The following RANBP2 variants were observed in gnomAD, a reference collection of about 807,000 sequenced individuals.
The protein encoded by RANBP2 is E3 SUMO-protein ligase RanBP2.
RANBP2 carries 57 observed loss-of-function variants against 303.6 expected under a neutral mutation model. The ratio of observed to expected loss-of-function variants is 0.19; its 90% CI spans 0.15 to 0.23. The LOEUF is 0.23. Ranked by LOEUF, RANBP2 falls within the 10% of genes least tolerant of loss-of-function variation. The pLI is 1.00. For missense variants in RANBP2, 3,138 were observed against 3,780.8 expected (o/e 0.83, Z 4.46); for synonymous variants, 1,167 against 1,301.5 (o/e 0.90, Z 2.23).
At chr2:109,462,259 G>T in the RANBP2 span, among the ~76,000 whole-genome samples, 3 of 151,262 alleles carry the variant, frequency 2.0e-5, no homozygotes, top group African/African-American at 7.3e-5. Context: ...TTGGAGAATT[G>T]ATCTACCCCT....
chr2:108,867,492 C>G, the RANBP2 span, among the ~76,000 whole-genome samples: 1 of 152,020 alleles, frequency 6.6e-6, no homozygotes, highest in Non-Finnish European at 1.5e-5. Flanking sequence ...TATGGATTAC[C>G]CTGCTCCAAG....
At chr2:109,469,190 G>A in the RANBP2 span, among the ~76,000 whole-genome samples, 4 of 152,308 alleles carry the variant, frequency 2.6e-5, no homozygotes, top group African/African-American at 7.2e-5. Context: ...CTTACACAGC[G>A]TATTTCTTCT....
At chr2:109,548,613 T>C in the RANBP2 span, among the ~76,000 whole-genome samples, 1 of 151,664 alleles carries the variant, frequency 6.6e-6, no homozygotes, top group Non-Finnish European at 1.5e-5. Context: ...CCGTCTCTAC[T>C]AAAATACAAA....
chr2:109,606,177 G>A, the RANBP2 span, among the ~76,000 whole-genome samples: 1 of 152,178 alleles, frequency 6.6e-6, no homozygotes, highest in Non-Finnish European at 1.5e-5. Context: ...AGCACTTTGG[G>A]AGACCAAGGA....
the RANBP2 span, among the ~76,000 whole-genome samples, chr2:109,121,694 C>G: frequency 6.6e-6 from 1 of 152,152 alleles, no homozygotes; most frequent in Non-Finnish European, 1.5e-5. Flanking sequence ...CTGCAGTTTC[C>G]AGAGTAAAAA....
At chr2:109,084,549 A>G in the RANBP2 span, among the ~76,000 whole-genome samples, 10 of 152,192 alleles carry the variant, frequency 6.6e-5, no homozygotes, top group Non-Finnish European at 1.2e-4. Flanking sequence ...TGATGTTGGC[A>G]GTGACATTGC....
the RANBP2 span, among the ~76,000 whole-genome samples, chr2:109,375,378 T>A: frequency 2.0e-5 from 3 of 152,240 alleles, no homozygotes; most frequent in African/African-American, 7.2e-5. Flanking sequence ...GTTCATCAGA[T>A]GCCAGCTGGA....
chr2:108,952,759 C>T, the RANBP2 span, among the ~76,000 whole-genome samples: 1 of 152,112 alleles, frequency 6.6e-6, no homozygotes, highest in African/African-American at 2.4e-5. Context: ...CCTATTTCTT[C>T]GTATGTGTGG....
At chr2:109,457,316 G>T in the RANBP2 span, among the ~76,000 whole-genome samples, 1 of 152,202 alleles carries the variant, frequency 6.6e-6, no homozygotes, top group South Asian at 2.1e-4. Context: ...ATCAAAGGAG[G>T]GGTTAATTTT....
the RANBP2 span, among the ~76,000 whole-genome samples, chr2:109,726,422 C>CA: frequency 6.6e-6 from 1 of 151,540 alleles, no homozygotes; most frequent in Non-Finnish European, 1.5e-5. Flanking sequence ...AAAAACCCCC[C>CA]AAAAAACAAA....
At chr2:109,619,199 A>G in the RANBP2 span, among the ~76,000 whole-genome samples, 2 of 152,204 alleles carry the variant, frequency 1.3e-5, no homozygotes, top group African/African-American at 4.8e-5. Context: ...TGTTAGTAAG[A>G]TTATAAGAGT....
the RANBP2 span, among the ~76,000 whole-genome samples, chr2:108,830,748 C>G: frequency 2.6e-5 from 4 of 151,872 alleles, no homozygotes; most frequent in African/African-American, 9.7e-5. Flanking sequence ...GCAGAGGTTG[C>G]AGTGATCTGA....
chr2:109,632,514 A>G, the RANBP2 span, among the ~76,000 whole-genome samples: 1 of 152,174 alleles, frequency 6.6e-6, no homozygotes, highest in Non-Finnish European at 1.5e-5. Context: ...CATATTATCC[A>G]TTTAAAACTT....
Position 108,731,444 on chromosome 2 carries a change from C to T in RANBP2, c.375C>T (p.Phe125=). 6.2e-7 allele frequency: 1 copy of T among 1,611,442 alleles called. No individual in the cohort carries two copies. Among genetic ancestry groups the T allele is most frequent in the South Asian group, 1.1e-5 (1 of 90,974 alleles). The change falls in exon 4 of 29, where the codon TTC becomes TTT. Residue 125 remains phenylalanine, a synonymous_variant. Transcript: ENST00000283195. ...GGCTTGAAAGAGCAGCCAAACTTTTCCCAGGAAGTCCTGCAATTTATAAAC... is the reference window on the plus strand; with the variant it reads ...GGCTTGAAAGAGCAGCCAAACTTTTTCCAGGAAGTCCTGCAATTTATAAAC... The part of the protein sequence containing the change: ...KYWLERAAKL[F]PGSPAIYKLK...
chr2:109,031,323 G>C, the RANBP2 span, among the ~76,000 whole-genome samples: 1 of 152,204 alleles, frequency 6.6e-6, no homozygotes, highest in Non-Finnish European at 1.5e-5. Flanking sequence ...ATGTGGCAGG[G>C]GTGGGGTAGA....
chr2:109,115,800 T>C, the RANBP2 span, among the ~76,000 whole-genome samples: 13 of 149,474 alleles, frequency 8.7e-5, no homozygotes, highest in East Asian at 4.2e-4. Flanking sequence ...AGTGCTTCCT[T>C]CAGGAGCTCT....
chr2:109,414,716 C>T, the RANBP2 span, among the ~76,000 whole-genome samples: 1 of 152,200 alleles, frequency 6.6e-6, no homozygotes, highest in African/African-American at 2.4e-5. Context: ...TCTCCAGGCA[C>T]ACCAAACACT....
chr2:109,546,066 C>T, the RANBP2 span: 2 of 1,589,206 alleles, frequency 1.3e-6, no homozygotes, highest in African/African-American at 2.7e-5. Flanking sequence ...CGGTCCTTGT[C>T]CTTCCTCAGG....
chr2:109,726,098 T>TGTGTGTGTGTG, the RANBP2 span, among the ~76,000 whole-genome samples: 1 of 148,448 alleles, frequency 6.7e-6, no homozygotes, highest in African/African-American at 2.5e-5. Context: ...TGTGTGTGTG[T>TGTGTGTGTGTG]TTGTGTTTTC....
Sources: gnomAD v4.1 joint callset for allele counts (sites outside exome capture counted in the v4.1 genomes callset) on GRCh38, gnomAD v4.1.1 for gene constraint, MANE v1.5 for transcripts, NCBI Gene and HGNC (gene_info 2026-07-23, HGNC 2026-07-21) for gene names.